Variants in TOM1L2 observed in about 807,000 individuals in gnomAD.
The protein encoded by TOM1L2 is TOM1-like protein 2.
TOM1L2 carries 31 observed loss-of-function variants against 67.9 expected under a neutral mutation model. That is an observed-to-expected ratio of 0.46 (90% confidence interval 0.34 to 0.62). The LOEUF is 0.62. Ranked by LOEUF, TOM1L2 falls within the 20% of genes least tolerant of loss-of-function variation. TOM1L2 has a pLI of 0.01. For missense variants in TOM1L2, 606 were observed against 663.5 expected (o/e 0.91, Z 0.95); for synonymous variants, 256 against 254.0 (o/e 1.01, Z -0.07).
At chr17:17,923,727 C>T (rs1196054979) in intron 1 of TOM1L2, among the ~76,000 whole-genome samples, 1 of 151,716 alleles carries the variant, frequency 6.6e-6, no homozygotes, top group Non-Finnish European at 1.5e-5. Flanking sequence ...TTATGTTATA[C>T]ACATCTTTAA....
At chr17:17,902,968 C>T (rs375171709) in intron 2 of TOM1L2, among the ~76,000 whole-genome samples, 61 of 152,112 alleles carry the variant, frequency 4.0e-4, no homozygotes, top group Non-Finnish European at 7.9e-4. Flanking sequence ...GCACAATAAG[C>T]GAGTGGTGAC....
chr17:17,930,579 G>A (rs896274441), intron 1 of TOM1L2, among the ~76,000 whole-genome samples: 1 of 152,238 alleles, frequency 6.6e-6, no homozygotes, highest in East Asian at 1.9e-4. Context: ...AAAATGTTTT[G>A]AAACAAGCTT....
At chr17:17,919,638 T>C (rs1340479753) in intron 1 of TOM1L2, among the ~76,000 whole-genome samples, 2 of 152,152 alleles carry the variant, frequency 1.3e-5, no homozygotes, top group African/African-American at 2.4e-5. Context: ...CCCCAGGAAG[T>C]GGGGCATGGG....
chr17:17,851,308 A>T, intron 12 of TOM1L2: 1 of 347,908 alleles, frequency 2.9e-6, no homozygotes. Context: ...AACTTCAGGA[A>T]GGCGCTGCCA....
chr17:17,937,018 C>T (rs1283281877), intron 1 of TOM1L2, among the ~76,000 whole-genome samples: 1 of 152,184 alleles, frequency 6.6e-6, no homozygotes, highest in Non-Finnish European at 1.5e-5. Context: ...GTGCTGACCT[C>T]CCACGATCTT....
In TOM1L2 at chr17:17,847,738, A is replaced by G. The variant is rs908488984; in HGVS notation, c.1421T>C (p.Val474Ala). The G allele has an allele frequency of 6.2e-7, 1 of 1,614,064 alleles. No individual in the cohort carries two copies. The highest frequency in any genetic ancestry group is 1.3e-5 in the African/African-American group (1 of 75,010). The change falls in exon 15 of 15, where the codon GTT becomes GCT. Residue 474 changes from valine (V) to alanine (A), a missense_variant. Transcript: ENST00000379504. ...CATGGGGGGCGAGGGGAGGTCGGGA[A>G]CCATTTCAGCAGCTTTGGCTCTTTC... ...LEERAKAAEM[V>A]PDLPSPPMEA...
intron 4 of TOM1L2, among the ~76,000 whole-genome samples, chr17:17,892,742 G>C (rs527880954): frequency 6.6e-6 from 1 of 151,686 alleles, no homozygotes; most frequent in South Asian, 2.1e-4. Context: ...CCCTACTCTT[G>C]AGGCTAGGCC....
chr17:17,946,228 G>A (rs1291263896), intron 1 of TOM1L2, among the ~76,000 whole-genome samples: 4 of 152,098 alleles, frequency 2.6e-5, no homozygotes, highest in Admixed American at 1.3e-4. Context: ...TACATACCAT[G>A]AAATCTACCC....
intron 6 of TOM1L2, among the ~76,000 whole-genome samples, chr17:17,881,479 T>G (rs958997219): frequency 2.0e-5 from 3 of 152,182 alleles, no homozygotes; most frequent in Admixed American, 6.5e-5. Context: ...GTGAAGGGGC[T>G]CAGTAACTGT....
intron 1 of TOM1L2, among the ~76,000 whole-genome samples, chr17:17,968,900 T>G (rs2041965375): frequency 1.3e-5 from 2 of 152,062 alleles, no homozygotes; most frequent in South Asian, 4.1e-4. Context: ...GCCCTCAGAC[T>G]CAAAGAAGCC....
intron 1 of TOM1L2, among the ~76,000 whole-genome samples, chr17:17,959,002 A>G (rs1299002905): frequency 6.6e-6 from 1 of 152,246 alleles, no homozygotes; most frequent in Non-Finnish European, 1.5e-5. Context: ...AGGTGCTGGG[A>G]GGCTGGCACA....
At chr17:17,878,198 T>C (rs1423783035) in intron 7 of TOM1L2, among the ~76,000 whole-genome samples, 1 of 152,230 alleles carries the variant, frequency 6.6e-6, no homozygotes, top group East Asian at 1.9e-4. Context: ...CCAGGTCCCC[T>C]GGAGTGTGGC....
intron 13 of TOM1L2, among the ~76,000 whole-genome samples, chr17:17,850,257 G>A (rs543066372): frequency 6.6e-6 from 1 of 152,330 alleles, no homozygotes; most frequent in East Asian, 1.9e-4. Context: ...GTAAAGAACA[G>A]AGGGAGGGGC....
At chr17:17,848,914 C>T (rs1179938076) in intron 13 of TOM1L2, 55 bp from the exon 14 acceptor site, 8 of 1,598,328 alleles carry the variant, frequency 5.0e-6, no homozygotes, top group Non-Finnish European at 6.0e-6. Context: ...CACTGCCCGC[C>T]CAGCCACCTC....
chr17:17,846,234 G>C lies in TOM1L2; in HGVS notation c.*1401C>G, dbSNP rs1297071531. 6.6e-6 allele frequency: 1 copy of C among 152,396 alleles called. No individual in the cohort carries two copies. The highest frequency in any genetic ancestry group is 2.4e-5 in the African/African-American group (1 of 41,458). 9.4% of individuals were successfully genotyped at this position (152,396 alleles called of 1,614,324 possible). ...TAACTACACCATGGATCAGGAACCT[G>C]TGCTGACCTAGGCAGTGCATGCTGG... On this transcript the variant is annotated 3_prime_UTR_variant, in exon 15 of 15. Transcript: ENST00000379504.
intron 13 of TOM1L2, among the ~76,000 whole-genome samples, chr17:17,849,135 C>T (rs779733605): frequency 2.0e-5 from 3 of 152,222 alleles, no homozygotes; most frequent in Non-Finnish European, 2.9e-5. Flanking sequence ...ACTCCAAAAA[C>T]GGTGCAGGCT....
chr17:17,938,707 C>A (rs1002377994), intron 1 of TOM1L2, among the ~76,000 whole-genome samples: 2 of 152,024 alleles, frequency 1.3e-5, no homozygotes, highest in Non-Finnish European at 2.9e-5. Flanking sequence ...CTTATAATAT[C>A]CTACATGCCT....
intron 1 of TOM1L2, among the ~76,000 whole-genome samples, chr17:17,913,098 A>T (rs2039467136): frequency 6.6e-6 from 1 of 151,630 alleles, no homozygotes; most frequent in East Asian, 1.9e-4. Flanking sequence ...GAGGCAGGAG[A>T]ATCAGGCAGG....
intron 4 of TOM1L2, among the ~76,000 whole-genome samples, chr17:17,886,461 C>T (rs1211189307): frequency 6.6e-6 from 1 of 152,218 alleles, no homozygotes; most frequent in Non-Finnish European, 1.5e-5. Flanking sequence ...TGCCTCTGGC[C>T]CCGCCCCCAC....
Sources: gnomAD v4.1 joint callset for allele counts (sites outside exome capture counted in the v4.1 genomes callset) on GRCh38, gnomAD v4.1.1 for gene constraint, MANE v1.5 for transcripts, NCBI Gene and HGNC (gene_info 2026-07-23, HGNC 2026-07-21) for gene names.